DENND1A: variants seen among roughly 807,000 people sequenced by gnomAD.
The protein encoded by DENND1A is DENN domain containing 1A, also known as DENN domain-containing protein 1A.
In DENND1A, 51 loss-of-function variants were observed where a neutral mutation model predicts 113.7. The observed-to-expected ratio is 0.45, with a 90% CI of 0.36 to 0.57. The LOEUF is 0.57. Ranked by LOEUF, DENND1A falls within the 20% of genes least tolerant of loss-of-function variation. The pLI is 0.00. For synonymous variants in DENND1A, 565 were observed against 570.8 expected (o/e 0.99, Z 0.14); for missense variants, 1,258 against 1,395.9 (o/e 0.90, Z 1.57).
chr9:123,406,422 T>C (rs2043857683), intron 20 of DENND1A, among the ~76,000 whole-genome samples: 1 of 152,230 alleles, frequency 6.6e-6, no homozygotes, highest in Non-Finnish European at 1.5e-5. Context: ...TGTCCCTTCT[T>C]GTCAACAACA....
intron 19 of DENND1A, among the ~76,000 whole-genome samples, chr9:123,425,105 G>A (rs960941014): frequency 2.0e-5 from 3 of 152,210 alleles, no homozygotes; most frequent in Admixed American, 1.3e-4. Context: ...ACTCTCTAAG[G>A]TGATCTCGCA....
intron 8 of DENND1A, among the ~76,000 whole-genome samples, chr9:123,663,984 C>G (rs902011416): frequency 6.6e-6 from 1 of 152,144 alleles, no homozygotes; most frequent in African/African-American, 2.4e-5. Context: ...AGCCATCTAC[C>G]TCTGTGAGGC....
chr9:123,766,225 A>G (rs1828789405), intron 4 of DENND1A, among the ~76,000 whole-genome samples: 1 of 152,126 alleles, frequency 6.6e-6, no homozygotes, highest in Non-Finnish European at 1.5e-5. Flanking sequence ...GGCAGACTCA[A>G]TACAAGTCTC....
At chr9:123,916,230 T>C (rs1855090794) in intron 1 of DENND1A, among the ~76,000 whole-genome samples, 1 of 152,102 alleles carries the variant, frequency 6.6e-6, no homozygotes, top group South Asian at 2.1e-4. Context: ...GAGCCCCACA[T>C]TCCCTGTATT....
intron 18 of DENND1A, among the ~76,000 whole-genome samples, chr9:123,450,057 A>G (rs2132650111): frequency 6.6e-6 from 1 of 151,920 alleles, no homozygotes; most frequent in Non-Finnish European, 1.5e-5. Flanking sequence ...AAAAAAAAAA[A>G]AAGGGAGATT....
At chr9:123,383,243 G>T (rs886173193) in intron 23 of DENND1A, among the ~76,000 whole-genome samples, 1 of 152,232 alleles carries the variant, frequency 6.6e-6, no homozygotes, top group Non-Finnish European at 1.5e-5. Context: ...ACGTCACAGT[G>T]GGAATTACAC....
intron 2 of DENND1A, among the ~76,000 whole-genome samples, chr9:123,875,548 G>T (rs1847324058): frequency 1.3e-5 from 2 of 152,078 alleles, no homozygotes; most frequent in African/African-American, 4.8e-5. Context: ...TTGGCCATTG[G>T]CTCACTGCCC....
At chr9:123,830,647 C>A (rs1212800465) in intron 2 of DENND1A, among the ~76,000 whole-genome samples, 1 of 151,770 alleles carries the variant, frequency 6.6e-6, no homozygotes, top group Non-Finnish European at 1.5e-5. Flanking sequence ...GGCGGACCAC[C>A]TGAGGTCAGG....
intron 1 of DENND1A, among the ~76,000 whole-genome samples, chr9:123,888,251 A>G (rs912403613): frequency 3.3e-5 from 5 of 152,220 alleles, no homozygotes; most frequent in Non-Finnish European, 5.9e-5. Context: ...GCAAGCCTGA[A>G]AGGGCTTCCA....
At chr9:123,574,173 C>CTTTT (rs542615815) in intron 12 of DENND1A, among the ~76,000 whole-genome samples, 14 of 110,096 alleles carry the variant, frequency 1.3e-4, no homozygotes, top group Admixed American at 1.8e-4. Flanking sequence ...CTGTAGTTGC[C>CTTTT]TTTTTTTTTT....
chr9:123,798,890 C>T (rs1038845340), intron 2 of DENND1A, among the ~76,000 whole-genome samples: 9 of 151,968 alleles, frequency 5.9e-5, no homozygotes, highest in African/African-American at 2.2e-4. Context: ...TAAAATCTAT[C>T]AAATTGATAG....
chr9:123,461,244 T>A (rs2048498275), intron 13 of DENND1A, among the ~76,000 whole-genome samples: 1 of 152,218 alleles, frequency 6.6e-6, no homozygotes. Flanking sequence ...TGTGCACTCC[T>A]GGGTGCTGGG....
At chr9:123,576,497 C>T (rs7020815) in intron 12 of DENND1A, among the ~76,000 whole-genome samples, 22,685 of 152,008 alleles carry the variant, frequency 0.15, 2,093 homozygotes, top group Admixed American at 0.21. Context: ...TTAAAAAGTC[C>T]TAGTTTTGCC....
intron 13 of DENND1A, among the ~76,000 whole-genome samples, chr9:123,521,452 T>C (rs1023414787): frequency 6.6e-6 from 1 of 152,174 alleles, no homozygotes; most frequent in Admixed American, 6.5e-5. Flanking sequence ...CTTCCCCATT[T>C]GTAAAAAATA....
At chr9:123,703,402 A>G (rs2065995362) in intron 5 of DENND1A, among the ~76,000 whole-genome samples, 1 of 152,230 alleles carries the variant, frequency 6.6e-6, no homozygotes, top group Admixed American at 6.5e-5. Flanking sequence ...CATGTGATCA[A>G]AGTTAAGTTG....
chr9:123,478,130 C>T (rs552737524), intron 13 of DENND1A, among the ~76,000 whole-genome samples: 1 of 152,278 alleles, frequency 6.6e-6, no homozygotes, highest in African/African-American at 2.4e-5. Context: ...ATAGGCAATG[C>T]CGAGAAAAGA....
chr9:123,420,507 G>A (rs117438671), intron 19 of DENND1A, among the ~76,000 whole-genome samples: 8 of 152,274 alleles, frequency 5.3e-5, no homozygotes, highest in East Asian at 3.9e-4. Context: ...GATGATCTCC[G>A]GAGAGAGCGC....
chr9:123,440,446 G>A lies in DENND1A; in HGVS notation c.1402C>T (p.Pro468Ser), dbSNP rs746073510. 33 of 1,572,760 alleles carry A rather than the reference G, an allele frequency of 2.1e-5. No individual in the cohort carries two copies. Among genetic ancestry groups the A allele is most frequent in the Non-Finnish European group, 2.1e-5 (25 of 1,167,114 alleles). Residue 468 changes from proline (P) to serine (S), a missense_variant, in exon 19 of 24, where the codon CCA (proline) becomes TCA (serine). Physicochemically the swap from Pro to Ser is moderately conservative, Grantham distance 74. Around this residue, in one of 2 missense-constraint regions of DENND1A, gnomAD observed 1,159 missense variants for 1,231.7 expected, o/e 0.94. Coordinates refer to ENST00000394215, the MANE Select transcript of DENND1A (RefSeq NM_001352964.2). ...ACCAGTGGGGACGGTGCAGTCTTTGGCAGCTGCTCTTCTGGGGTGGGGGCG... is the reference window on the plus strand; with the variant it reads ...ACCAGTGGGGACGGTGCAGTCTTTGACAGCTGCTCTTCTGGGGTGGGGGCG... The part of the protein sequence containing the change: ...GCAPTPEEQL[P>S]KTAPSPLVEA...
chr9:123,654,591 A>T (rs544946015), intron 8 of DENND1A, among the ~76,000 whole-genome samples: 1 of 152,344 alleles, frequency 6.6e-6, no homozygotes, highest in East Asian at 1.9e-4. Context: ...CCCCATCTCC[A>T]ATCAGATTCT....
Sources: allele counts gnomAD v4.1 joint callset (sites outside exome capture counted in the v4.1 genomes callset), GRCh38; gene constraint gnomAD v4.1.1; regional missense constraint gnomAD v4.1.1; transcripts MANE v1.5; gene names NCBI Gene and HGNC (gene_info 2026-07-23, HGNC 2026-07-21).